SHROOM3: variants seen among roughly 807,000 people sequenced by gnomAD.
SHROOM3 encodes the protein shroom family member 3.
Under a neutral mutation model 138.6 loss-of-function variants are expected in SHROOM3, and 47 were observed. The observed-to-expected ratio is 0.34, with a 90% confidence interval of 0.27 to 0.43. SHROOM3 has a LOEUF of 0.43. Among genes scored for constraint, SHROOM3 ranks in the 20% least tolerant of loss-of-function variants. The probability of loss-of-function intolerance (pLI) is 1.00; values close to 1 mark genes in which losing one functional copy is unlikely to be tolerated. For synonymous variants in SHROOM3, 1,062 were observed against 1,063.3 expected (o/e 1.00, Z 0.02); for missense variants, 2,491 against 2,596.5 (o/e 0.96, Z 0.88).
chr4:76,725,676 A>G (rs896666549), intron 3 of SHROOM3, among the ~76,000 whole-genome samples: 9 of 152,202 alleles, frequency 5.9e-5, no homozygotes, highest in African/African-American at 2.2e-4. Context: ...AACAGAGGAC[A>G]TTGGGTACGA....
chr4:76,512,706 C>A (rs538311812), intron 1 of SHROOM3, among the ~76,000 whole-genome samples: 2 of 152,066 alleles, frequency 1.3e-5, no homozygotes, highest in Admixed American at 6.6e-5. Context: ...TGGTAGGGAT[C>A]GGATACTGCA....
At chr4:76,717,879 T>C (rs1276878428) in intron 3 of SHROOM3, among the ~76,000 whole-genome samples, 4 of 152,228 alleles carry the variant, frequency 2.6e-5, no homozygotes, top group African/African-American at 7.2e-5. Flanking sequence ...TCCATCACAA[T>C]TGAAGATTTA....
rs775348534 is a variant in SHROOM3, at chr4:76,741,079, G to A, written c.2906G>A (p.Arg969Gln). The change falls in exon 5 of 11, where the codon CGG (arginine) becomes CAG (glutamine). Residue 969 changes from arginine to glutamine, a missense_variant. This residue lies in a region of SHROOM3 where 1,733 missense variants were observed against 1,661.6 expected (regional missense o/e 1.04). Transcript: ENST00000296043. The surrounding 1 kb of genome is among the most constrained non-coding windows in gnomAD (Gnocchi z 6.2). The part of the protein sequence containing the change: ...PRPSSAHVGL[R>Q]SPEASASASP... ...CCTTCCTCGGCCCACGTGGGGCTGC[G>A]GAGCCCCGAGGCGTCGGCCTCCGCC... The A allele has an allele frequency of 2.5e-5, 38 of 1,535,858 alleles. No individual in the cohort carries two copies. In the Admixed American group the frequency reaches 3.7e-4, roughly 15 times the overall value.
Position 76,759,471 on chromosome 4 carries a change from G to T in SHROOM3, c.5199-74G>T, listed in dbSNP as rs1721925351. The T allele has an allele frequency of 1.9e-6, 3 of 1,573,486 alleles. No homozygotes were observed. In the East Asian group the frequency reaches 6.7e-5, roughly 35 times the overall value. On this transcript the variant is annotated intron_variant, in intron 8 of 10. Coordinates refer to ENST00000296043, the MANE Select transcript of SHROOM3 (RefSeq NM_020859.4). ...ATAGAATTGTTACGCACTTCTGAAT[G>T]GACTGACATCTGCAGTGAAACAAAG...
At chr4:76,507,780 G>A (rs1254362616) in intron 1 of SHROOM3, among the ~76,000 whole-genome samples, 2 of 151,720 alleles carry the variant, frequency 1.3e-5, no homozygotes, top group Non-Finnish European at 1.5e-5. Context: ...TCCTGACCTC[G>A]TGATCTGCCA....
intron 2 of SHROOM3, among the ~76,000 whole-genome samples, chr4:76,703,232 C>G (rs1719952901): frequency 6.6e-6 from 1 of 152,076 alleles, no homozygotes; most frequent in Non-Finnish European, 1.5e-5. Flanking sequence ...AAATGAATGG[C>G]ATGCCTATGA....
chr4:76,706,808 AGCCAGTGTGAATT>A (rs1362743440), intron 2 of SHROOM3, among the ~76,000 whole-genome samples: 1 of 152,236 alleles, frequency 6.6e-6, no homozygotes, highest in African/African-American at 2.4e-5. Flanking sequence ...GGCAACTAGC[AGCCAGTGTGAATT>A]GCACTTTGAG....
intron 2 of SHROOM3, among the ~76,000 whole-genome samples, chr4:76,605,610 G>C (rs1455500604): frequency 6.6e-6 from 1 of 152,040 alleles, no homozygotes; most frequent in Non-Finnish European, 1.5e-5. Context: ...GAATTGCTTA[G>C]TTGTTGAGAG....
At chr4:76,769,211 G>GGTGTGCATGT (rs550545625) in intron 9 of SHROOM3, among the ~76,000 whole-genome samples, 5 of 150,956 alleles carry the variant, frequency 3.3e-5, no homozygotes, top group Non-Finnish European at 5.9e-5. Flanking sequence ...GCCAGTTTGG[G>GGTGTGCATGT]GTGTGCATGT....
Position 76,721,102 on chromosome 4 carries a change from G to A in SHROOM3, c.456-9702G>A, listed in dbSNP as rs533398043. On this transcript the variant is annotated intron_variant, in intron 3 of 10. Coordinates refer to ENST00000296043, the MANE Select transcript of SHROOM3 (RefSeq NM_020859.4). The stretch of plus-strand genomic sequence containing the variant: ...CGAGGCGGGCGGATCAAGAGGTCAG[G>A]AGATCGAGACCATCCCGGCTAAAAC... Among the ~76,000 whole-genome samples, 23 of 151,874 alleles carry A rather than the reference G, an allele frequency of 1.5e-4. No homozygotes were observed. The South Asian group carries it at 3.6e-3, about 23-fold the overall frequency.
chr4:76,705,064 C>G (rs1440951862), intron 2 of SHROOM3, among the ~76,000 whole-genome samples: 3 of 152,216 alleles, frequency 2.0e-5, no homozygotes, highest in Non-Finnish European at 4.4e-5. Context: ...TTTCCCCAGC[C>G]TTCCCTAATT....
intron 1 of SHROOM3, among the ~76,000 whole-genome samples, chr4:76,468,498 A>T (rs572165931): frequency 6.6e-6 from 1 of 152,032 alleles, no homozygotes; most frequent in Non-Finnish European, 1.5e-5. Flanking sequence ...GGCTTTCAGT[A>T]GTTACCACTT....
chr4:76,590,822 T>C (rs1255293189), intron 2 of SHROOM3, among the ~76,000 whole-genome samples: 5 of 152,182 alleles, frequency 3.3e-5, no homozygotes, highest in African/African-American at 1.2e-4. Flanking sequence ...GTCAGTTTTT[T>C]TGAGATTTTC....
intron 2 of SHROOM3, among the ~76,000 whole-genome samples, chr4:76,650,840 C>T (rs1735940586): frequency 6.6e-6 from 1 of 152,060 alleles, no homozygotes; most frequent in African/African-American, 2.4e-5. Context: ...ACTGCGCTGG[C>T]CTCAATATTC....
At position 76,741,193 on chromosome 4, in the gene SHROOM3, C is replaced by T. The variant is rs1244687453; in HGVS notation, c.3020C>T (p.Ala1007Val). 6.3e-7 allele frequency: 1 copy of T among 1,598,044 alleles called. No individual in the cohort carries two copies. Among genetic ancestry groups the T allele is most frequent in the African/African-American group, 1.3e-5 (1 of 74,666 alleles). ...GTGCCCCCTGCCGCCCGGAGAGGTGCTCGCCGGCGCCTGACTCCCGAGCAG... is the reference window on the plus strand; with the variant it reads ...GTGCCCCCTGCCGCCCGGAGAGGTGTTCGCCGGCGCCTGACTCCCGAGCAG... ...RPVPPAARRG[A>V]RRRLTPEQKK... Residue 1007 changes from alanine to valine, a missense_variant, in exon 5 of 11, where the codon GCT becomes GTT. Physicochemically the swap from Ala to Val is moderately conservative, Grantham distance 64. Around this residue, in one of 4 missense-constraint regions of SHROOM3, gnomAD observed 1,733 missense variants for 1,661.6 expected, o/e 1.04. Coordinates refer to ENST00000296043, the MANE Select transcript of SHROOM3 (RefSeq NM_020859.4). This position sits in a 1 kb window ranked among gnomAD's most constrained non-coding sequence, Gnocchi z 6.2.
chr4:76,566,745 C>T (rs983239043), intron 2 of SHROOM3, among the ~76,000 whole-genome samples: 1 of 152,210 alleles, frequency 6.6e-6, no homozygotes, highest in Admixed American at 6.5e-5. Context: ...ACACCTGGTT[C>T]CATCTGACTT....
chr4:76,694,789 G>A (rs992680824), intron 2 of SHROOM3, among the ~76,000 whole-genome samples: 5 of 152,190 alleles, frequency 3.3e-5, no homozygotes, highest in Non-Finnish European at 1.5e-5. Flanking sequence ...CATTTATTGA[G>A]TACTTACTAG....
chr4:76,634,181 C>T (rs987752281), intron 2 of SHROOM3, among the ~76,000 whole-genome samples: 1 of 152,128 alleles, frequency 6.6e-6, no homozygotes, highest in Admixed American at 6.6e-5. Flanking sequence ...TTCTACCTGA[C>T]AGCTAGGAAA....
At chr4:76,562,180 C>G (rs1458649762) in intron 2 of SHROOM3, among the ~76,000 whole-genome samples, 1 of 152,182 alleles carries the variant, frequency 6.6e-6, no homozygotes, top group African/African-American at 2.4e-5. Context: ...ACTTGAGTCT[C>G]TGCAGCAGCC....
Sources: gnomAD v4.1 joint callset for allele counts (sites outside exome capture counted in the v4.1 genomes callset) on GRCh38, gnomAD v4.1.1 for gene constraint, gnomAD v4.1.1 regional missense constraint, Gnocchi (gnomAD v3.1) non-coding constraint, MANE v1.5 for transcripts, NCBI Gene and HGNC (gene_info 2026-07-23, HGNC 2026-07-21) for gene names.